The following PXDNL variants were observed in gnomAD, a reference collection of about 807,000 sequenced individuals.
The protein encoded by PXDNL is peroxidasin like.
PXDNL carries 145 observed loss-of-function variants against 150.8 expected under a neutral mutation model. The ratio of observed to expected loss-of-function variants is 0.96; its 90% confidence interval spans 0.84 to 1.10. PXDNL has a LOEUF of 1.10. Ranked by LOEUF, PXDNL falls within the 50% of genes least tolerant of loss-of-function variation. PXDNL has a pLI of 0.00. For missense variants in PXDNL, 2,087 were observed against 1,873.9 expected (o/e 1.11, Z -2.10); for synonymous variants, 757 against 725.7 (o/e 1.04, Z -0.69).
rs540394599 is a variant in PXDNL at position 51,628,038 on chromosome 8, A to G, written c.236+26651T>C. 9.8e-5 allele frequency among the ~76,000 whole-genome samples: 15 copies of G among 152,314 alleles called. No individual in the cohort carries two copies. In the South Asian group the frequency reaches 3.1e-3, roughly 32 times the overall value. On this transcript the variant is annotated intron_variant, in intron 2 of 22. Coordinates refer to ENST00000356297, the MANE Select transcript of PXDNL (RefSeq NM_144651.5). ...CACAAGATTATAGTGTAGGCAAATA[A>G]CAGAGCAGCAAAAGCCTAGAAGGAA...
chr8:51,694,539 G>T (rs1816075524), intron 1 of PXDNL, among the ~76,000 whole-genome samples: 1 of 152,114 alleles, frequency 6.6e-6, no homozygotes, highest in Non-Finnish European at 1.5e-5. Flanking sequence ...ATCTTGATTC[G>T]TATATTGTCT....
At chr8:51,515,748 T>A (rs1811520995) in intron 4 of PXDNL, among the ~76,000 whole-genome samples, 1 of 152,186 alleles carries the variant, frequency 6.6e-6, no homozygotes, top group South Asian at 2.1e-4. Context: ...GAAATAACAA[T>A]CTTTTGGAAG....
chr8:51,456,113 A>G (rs1227161486), intron 9 of PXDNL, among the ~76,000 whole-genome samples: 2 of 152,078 alleles, frequency 1.3e-5, no homozygotes, highest in African/African-American at 4.8e-5. Context: ...CTATCTTACC[A>G]TGCCCTCCTG....
At chr8:51,437,672 A>G (rs1809439814) in intron 12 of PXDNL, among the ~76,000 whole-genome samples, 2 of 152,366 alleles carry the variant, frequency 1.3e-5, no homozygotes, top group South Asian at 2.1e-4. Flanking sequence ...CAAAATTTGC[A>G]TAGAAGGGAA....
intron 2 of PXDNL, among the ~76,000 whole-genome samples, chr8:51,604,200 A>G (rs889943086): frequency 2.0e-5 from 3 of 152,166 alleles, no homozygotes; most frequent in East Asian, 1.9e-4. Context: ...ACATGCACAC[A>G]TATGTTTATT....
intron 1 of PXDNL, among the ~76,000 whole-genome samples, chr8:51,679,730 T>A (rs1302053599): frequency 2.0e-5 from 3 of 152,202 alleles, no homozygotes; most frequent in Non-Finnish European, 4.4e-5. Context: ...GTGCATGCTT[T>A]GTTAGAACTT....
chr8:51,500,521 C>T (rs1811157721), intron 4 of PXDNL, among the ~76,000 whole-genome samples: 1 of 152,182 alleles, frequency 6.6e-6, no homozygotes, highest in Admixed American at 6.5e-5. Context: ...CAAATCTTCC[C>T]AACAGACAGA....
intron 19 of PXDNL, among the ~76,000 whole-genome samples, chr8:51,348,596 G>C (rs2088881277): frequency 6.6e-6 from 1 of 152,116 alleles, no homozygotes; most frequent in Admixed American, 6.5e-5. Flanking sequence ...TATAGTAGAT[G>C]CTTTGATTTT....
intron 1 of PXDNL, among the ~76,000 whole-genome samples, chr8:51,696,496 C>G (rs28432009): frequency 0.011 from 1,615 of 152,294 alleles, 25 homozygotes; most frequent in African/African-American, 0.032. Context: ...GTTATGGCAG[C>G]CCTCGCTGAC....
intron 10 of PXDNL, among the ~76,000 whole-genome samples, chr8:51,452,573 C>T (rs561548777): frequency 2.0e-5 from 3 of 152,192 alleles, no homozygotes; most frequent in Admixed American, 6.5e-5. Context: ...CAAGATCACT[C>T]TTGGGGCCAC....
chr8:51,617,311 A>G (rs967561385), intron 2 of PXDNL, among the ~76,000 whole-genome samples: 10 of 152,258 alleles, frequency 6.6e-5, no homozygotes, highest in Admixed American at 2.0e-4. Context: ...TTATTTGGTC[A>G]TTTCAATTTC....
rs532315783 is a variant in PXDNL at position 51,568,705 on chromosome 8, T to C, written c.309-11794A>G. ...AATGTTTTTTCTTCTCCTTTCACAT[T>C]TTCTTCCGATCTGGTATTTCCATTA... On this transcript the variant is annotated intron_variant, in intron 3 of 22. Coordinates refer to ENST00000356297, the MANE Select transcript of PXDNL (RefSeq NM_144651.5). 1.9e-3 allele frequency among the ~76,000 whole-genome samples: 291 copies of C among 152,008 alleles called. 1 individual carries two copies. The highest frequency in any genetic ancestry group is 6.7e-3 in the African/African-American group (279 of 41,518).
intron 1 of PXDNL, among the ~76,000 whole-genome samples, chr8:51,757,206 A>G (rs1368823409): frequency 6.6e-6 from 1 of 152,184 alleles, no homozygotes; most frequent in Non-Finnish European, 1.5e-5. Context: ...AGGATATACT[A>G]TCTTTGAACT....
chr8:51,699,832 G>C (rs78779687), intron 1 of PXDNL, among the ~76,000 whole-genome samples: 10 of 152,094 alleles, frequency 6.6e-5, no homozygotes, highest in African/African-American at 2.4e-4. Flanking sequence ...GTAACAAATA[G>C]CTGGTCAAGT....
At chr8:51,712,413 A>T (rs752331827) in intron 1 of PXDNL, among the ~76,000 whole-genome samples, 1 of 152,208 alleles carries the variant, frequency 6.6e-6, no homozygotes, top group Non-Finnish European at 1.5e-5. Flanking sequence ...CATCTGAAAT[A>T]CTATAGCATA....
intron 1 of PXDNL, among the ~76,000 whole-genome samples, chr8:51,795,487 G>A (rs2037551309): frequency 6.6e-6 from 1 of 152,192 alleles, no homozygotes; most frequent in African/African-American, 2.4e-5. Flanking sequence ...TCAAGATAAA[G>A]AAACTCATTC....
At chr8:51,324,735 T>A (rs1805432526) in intron 21 of PXDNL, among the ~76,000 whole-genome samples, 1 of 152,216 alleles carries the variant, frequency 6.6e-6, no homozygotes, top group Admixed American at 6.5e-5. Context: ...CTGATCTTTT[T>A]TATTTCTGTT....
intron 2 of PXDNL, among the ~76,000 whole-genome samples, chr8:51,610,705 A>G (rs945668001): frequency 6.6e-6 from 1 of 152,180 alleles, no homozygotes; most frequent in Non-Finnish European, 1.5e-5. Context: ...CTGAATTCCC[A>G]TCTAGAGTAA....
chr8:51,530,554 G>A (rs982154441), intron 4 of PXDNL, among the ~76,000 whole-genome samples: 3 of 152,068 alleles, frequency 2.0e-5, no homozygotes, highest in Admixed American at 6.6e-5. Context: ...ATGACCACCC[G>A]GACTGCCCAC....
Sources: gnomAD v4.1 joint callset for allele counts (sites outside exome capture counted in the v4.1 genomes callset) on GRCh38, gnomAD v4.1.1 for gene constraint, MANE v1.5 for transcripts, NCBI Gene and HGNC (gene_info 2026-07-23, HGNC 2026-07-21) for gene names.